Variants in PPARGC1A observed in about 807,000 individuals in gnomAD.
PPARGC1A encodes the protein peroxisome proliferator-activated receptor gamma coactivator 1-alpha.
PPARGC1A carries 25 observed loss-of-function variants against 88.7 expected under a neutral mutation model. The ratio of observed to expected loss-of-function variants is 0.28; its 90% CI spans 0.21 to 0.39. PPARGC1A has a LOEUF of 0.39. Among genes scored for constraint, PPARGC1A ranks in the 10% least tolerant of loss-of-function variants. The pLI, the probability that PPARGC1A is intolerant of heterozygous loss-of-function variation, is 1.00. For synonymous variants in PPARGC1A, 363 were observed against 355.6 expected (o/e 1.02, Z -0.24); for missense variants, 880 against 968.7 (o/e 0.91, Z 1.22).
the PPARGC1A span, among the ~76,000 whole-genome samples, chr4:24,369,787 C>T: frequency 6.6e-6 from 1 of 152,208 alleles, no homozygotes; most frequent in South Asian, 2.1e-4. Context: ...TTGACTAAGT[C>T]ACAATGAAGA....
the PPARGC1A span, among the ~76,000 whole-genome samples, chr4:24,246,526 G>T: frequency 2.6e-5 from 4 of 152,168 alleles, no homozygotes; most frequent in African/African-American, 9.7e-5. Context: ...GAGATGGGAG[G>T]ATCGCTTAAG....
the PPARGC1A span, among the ~76,000 whole-genome samples, chr4:24,103,496 C>T: frequency 1.1e-3 from 167 of 151,064 alleles, no homozygotes; most frequent in African/African-American, 3.7e-3. Flanking sequence ...ACAGAGCCCT[C>T]GGGCTCACAG....
the PPARGC1A span, among the ~76,000 whole-genome samples, chr4:24,411,084 G>A: frequency 2.6e-5 from 4 of 152,138 alleles, no homozygotes; most frequent in African/African-American, 9.7e-5. Flanking sequence ...TTTTGCATTT[G>A]GTGGCGGCTG....
the PPARGC1A span, among the ~76,000 whole-genome samples, chr4:24,349,330 G>A: frequency 1.3e-5 from 2 of 152,216 alleles, no homozygotes; most frequent in East Asian, 3.9e-4. Context: ...GTAGTGTGGA[G>A]AGGGACCAGC....
chr4:24,391,034 T>C, the PPARGC1A span, among the ~76,000 whole-genome samples: 1 of 152,134 alleles, frequency 6.6e-6, no homozygotes, highest in Non-Finnish European at 1.5e-5. Flanking sequence ...CTTAGCTTTA[T>C]GGGTTTCCCT....
At position 23,801,078 on chromosome 4, in the gene PPARGC1A, G is replaced by A. The variant is rs572842311; in HGVS notation, c.2293+652C>T. Among the ~76,000 whole-genome samples the A allele has an allele frequency of 2.0e-5, 3 of 151,288 alleles. No homozygotes were observed. The South Asian group carries it at 6.2e-4, about 31-fold the overall frequency. The stretch of plus-strand genomic sequence containing the variant: ...AATGATGATATTTCTAAGTGTCTGT[G>A]AAATAATAAGAGAAAATGAGACTTG... On this transcript the variant is annotated intron_variant, in intron 12 of 12. Transcript: ENST00000264867.
the PPARGC1A span, among the ~76,000 whole-genome samples, chr4:24,142,130 G>C: frequency 6.6e-6 from 1 of 152,178 alleles, no homozygotes; most frequent in African/African-American, 2.4e-5. Context: ...TCACATCATA[G>C]TGTTGAGGCA....
the PPARGC1A span, among the ~76,000 whole-genome samples, chr4:24,359,661 T>C: frequency 8.4e-4 from 128 of 152,300 alleles, 1 homozygote; most frequent in East Asian, 0.023. Flanking sequence ...CCTAATCCAA[T>C]GACTGGTGTC....
the PPARGC1A span, among the ~76,000 whole-genome samples, chr4:24,272,911 A>T: frequency 6.6e-6 from 1 of 152,256 alleles, no homozygotes; most frequent in Non-Finnish European, 1.5e-5. Flanking sequence ...ACCCAGGTAC[A>T]GTATTCATTA....
At position 23,847,625 on chromosome 4, in the gene PPARGC1A, C is replaced by A. The variant is rs557350203; in HGVS notation, c.235-15874G>T. Among the ~76,000 whole-genome samples the A allele has an allele frequency of 2.0e-5, 3 of 152,192 alleles. No homozygotes were observed. The South Asian group carries it at 6.2e-4, about 32-fold the overall frequency. On this transcript the variant is annotated intron_variant, in intron 2 of 12. Coordinates refer to ENST00000264867, the MANE Select transcript of PPARGC1A (RefSeq NM_013261.5). ...CTGGGTTTAAAGATAAAAAGAAAAC[C>A]AGGGAACTCATACTGTGAAATGCTT... is the stretch of plus-strand genomic sequence containing the variant.
At chr4:24,011,699 C>A in the PPARGC1A span, among the ~76,000 whole-genome samples, 4 of 152,188 alleles carry the variant, frequency 2.6e-5, no homozygotes, top group African/African-American at 9.6e-5. Context: ...CCAGAACCCG[C>A]AGGAAAATGG....
At chr4:24,365,681 T>A in the PPARGC1A span, among the ~76,000 whole-genome samples, 1 of 152,208 alleles carries the variant, frequency 6.6e-6, no homozygotes, top group South Asian at 2.1e-4. Context: ...TTGGGCTGCA[T>A]TCTCCAAAAT....
chr4:24,468,772 A>T, the PPARGC1A span, among the ~76,000 whole-genome samples: 6 of 149,166 alleles, frequency 4.0e-5, no homozygotes, highest in East Asian at 1.2e-3. Context: ...CATCTTCATT[A>T]TTTTTTTTTT....
At chr4:23,799,122 C>A (rs1718175124) in intron 12 of PPARGC1A, among the ~76,000 whole-genome samples, 1 of 152,070 alleles carries the variant, frequency 6.6e-6, no homozygotes, top group South Asian at 2.1e-4. Flanking sequence ...TGCTCCTAAC[C>A]CCTGAGTCCA....
At chr4:23,926,632 C>T in the PPARGC1A span, among the ~76,000 whole-genome samples, 1 of 152,188 alleles carries the variant, frequency 6.6e-6, no homozygotes, top group Non-Finnish European at 1.5e-5. Flanking sequence ...CAAGAGAATG[C>T]CCTTTTATCA....
At chr4:24,190,351 T>C in the PPARGC1A span, among the ~76,000 whole-genome samples, 3 of 151,984 alleles carry the variant, frequency 2.0e-5, no homozygotes, top group African/African-American at 7.2e-5. Flanking sequence ...CCGTCTCTAC[T>C]AAAAATACAA....
chr4:23,821,997 G>A (rs1723090371), intron 7 of PPARGC1A, among the ~76,000 whole-genome samples: 1 of 152,050 alleles, frequency 6.6e-6, no homozygotes, highest in African/African-American at 2.4e-5. Context: ...ATTTTTGTGT[G>A]TCAAAAATGA....
chr4:24,397,224 C>T, the PPARGC1A span, among the ~76,000 whole-genome samples: 203 of 152,068 alleles, frequency 1.3e-3, 1 homozygote, highest in Middle Eastern at 0.01. Flanking sequence ...CTTATTATAC[C>T]CAGCGTTGAT....
the PPARGC1A span, among the ~76,000 whole-genome samples, chr4:24,085,028 A>G: frequency 6.6e-6 from 1 of 152,228 alleles, no homozygotes; most frequent in African/African-American, 2.4e-5. Flanking sequence ...GATGGATGAC[A>G]GTATCTTGAT....
Sources: gnomAD v4.1 joint callset for allele counts (sites outside exome capture counted in the v4.1 genomes callset) on GRCh38, gnomAD v4.1.1 for gene constraint, MANE v1.5 for transcripts, NCBI Gene and HGNC (gene_info 2026-07-23, HGNC 2026-07-21) for gene names.